Variants in FHOD1 observed in about 807,000 individuals in gnomAD.
The protein encoded by FHOD1 is formin homology 2 domain containing 1, also known as FH1/FH2 domain-containing protein 1.
In FHOD1, 89 loss-of-function variants were observed where a neutral mutation model predicts 111.6. The observed-to-expected ratio is 0.80, with a 90% CI of 0.67 to 0.95. FHOD1 has a LOEUF of 0.95. Ranked by LOEUF, FHOD1 falls within the 40% of genes least tolerant of loss-of-function variation. The pLI, the probability that FHOD1 is intolerant of heterozygous loss-of-function variation, is 0.00. For missense variants in FHOD1, 1,446 were observed against 1,554.2 expected, an observed-to-expected ratio of 0.93 and a Z score of 1.17; for synonymous variants, 618 against 639.0, an observed-to-expected ratio of 0.97 and a Z score of 0.50.
rs1482291858 is a variant in FHOD1, at chr16:67,237,544, C to T, written c.780G>A (p.Val260=). Reference sequence around the variant, plus strand: ...CGCCATTCTTCTCCTCCAGGATGGACACCAGATTGGCCCAGGGAGGAGCAC... The same window carrying T: ...CGCCATTCTTCTCCTCCAGGATGGATACCAGATTGGCCCAGGGAGGAGCAC... ...TTGAPPWANL[V]SILEEKNGAD... The change falls in exon 8 of 22, where the codon GTG becomes GTA. Residue 260 remains valine (V), a synonymous_variant. Transcript: ENST00000258201. The surrounding 1 kb of genome is among the most constrained non-coding windows in gnomAD (Gnocchi z 5.6). 6.2e-7 allele frequency: 1 copy of T among 1,614,038 alleles called. No homozygotes were observed. Among genetic ancestry groups the T allele is most frequent in the Non-Finnish European group, 8.5e-7 (1 of 1,180,032 alleles).
At position 67,237,126 on chromosome 16, in the gene FHOD1, G is replaced by A. The variant is rs937212645; in HGVS notation, c.994-12C>T. The stretch of plus-strand genomic sequence containing the variant: ...AATTTCAGGGCGTTCTAGCAGAGGC[G>A]GACCAGGATGTAAGAAAGTGGTTAA... On this transcript the variant is annotated splice_polypyrimidine_tract_variant and intron_variant, in intron 9 of 21. Coordinates refer to ENST00000258201, the MANE Select transcript of FHOD1 (RefSeq NM_013241.3). The surrounding 1 kb of genome is among the most constrained non-coding windows in gnomAD (Gnocchi z 5.6). The A allele has an allele frequency of 1.2e-6, 2 of 1,605,790 alleles. No individual in the cohort carries two copies. Among genetic ancestry groups the A allele is most frequent in the Non-Finnish European group, 1.7e-6 (2 of 1,175,506 alleles).
At position 67,232,060 on chromosome 16, in the gene FHOD1, A is replaced by T; in HGVS notation, c.2181T>A (p.Ala727=). Residue 727 remains alanine, a synonymous_variant, in exon 14 of 22, where the codon GCT becomes GCA. Coordinates refer to ENST00000258201, the MANE Select transcript of FHOD1 (RefSeq NM_013241.3). ...TCACCTCAATGCCATCCTTGCTGAC[A>T]GCAAACTCATCAAAGTTGAGCAGAG... The part of the protein sequence containing the change: ...KAALLNFDEF[A]VSKDGIEKLL... 6.2e-7 allele frequency: 1 copy of T among 1,614,256 alleles called. No individual in the cohort carries two copies. Among genetic ancestry groups the T allele is most frequent in the Non-Finnish European group, 8.5e-7 (1 of 1,180,048 alleles).
chr16:67,241,213 A>G (rs2034659022), intron 1 of FHOD1, among the ~76,000 whole-genome samples: 1 of 141,300 alleles, frequency 7.1e-6, no homozygotes, highest in South Asian at 2.2e-4. Context: ...TGCCCTCCCC[A>G]GGGTGCCTTG....
At position 67,239,345 on chromosome 16, in the gene FHOD1, G is replaced by A. The variant is rs200636299; in HGVS notation, c.308+3C>T. 1.1e-3 allele frequency: 1,852 copies of A among 1,612,886 alleles called. 1 individual carries two copies. Among genetic ancestry groups the A allele is most frequent in the Non-Finnish European group, 1.4e-3 (1,648 of 1,178,870 alleles). The stretch of plus-strand genomic sequence containing the variant: ...TTGCCTCCCTGGCCCCATCAGTTCT[G>A]ACCTGATCTCTTCATAGAAGCCCTC... On this transcript the variant is annotated splice_donor_region_variant and intron_variant, in intron 2 of 21. Transcript: ENST00000258201.
chr16:67,234,531 C>T (rs1449717732), intron 11 of FHOD1, 59 bp from the exon 12 acceptor site: 2 of 1,431,088 alleles, frequency 1.4e-6, no homozygotes, highest in Admixed American at 2.0e-5. Flanking sequence ...GGTGTACATG[C>T]CTTGCTGAGC....
At position 67,231,517 on chromosome 16, in the gene FHOD1, C is replaced by T. The variant is rs2034270414; in HGVS notation, c.2418G>A (p.Val806=). 1 of 1,614,188 alleles carries T rather than the reference C, an allele frequency of 6.2e-7. No individual in the cohort carries two copies. The highest frequency in any genetic ancestry group is 8.5e-7 in the Non-Finnish European group (1 of 1,180,040). The change falls in exon 16 of 22, where the codon GTG becomes GTA. Residue 806 remains valine, a synonymous_variant. Transcript: ENST00000258201. This position sits in a 1 kb window ranked among gnomAD's most constrained non-coding sequence, Gnocchi z 4.3. The stretch of plus-strand genomic sequence containing the variant: ...CATTCTGTACCAGCTGTTCCATACC[C>T]ACTTTCAGGTCAAACAGTGGCTCAG... ...EIAEPLFDLK[V]GMEQLVQNAT...
chr16:67,233,590 G>T (rs987264137), intron 13 of FHOD1, 67 bp downstream of exon 13: 26 of 1,506,276 alleles, frequency 1.7e-5, no homozygotes, highest in Non-Finnish European at 2.1e-5. Flanking sequence ...GCTCCAACAG[G>T]TCAGATCCTT....
intron 1 of FHOD1, among the ~76,000 whole-genome samples, chr16:67,242,333 C>A (rs1307864606): frequency 6.6e-6 from 1 of 152,172 alleles, no homozygotes; most frequent in African/African-American, 2.4e-5. Flanking sequence ...GGCCCCATTT[C>A]TGGGGAGGAG....
At position 67,237,221 on chromosome 16, in the gene FHOD1, G is replaced by A; in HGVS notation, c.993+18C>T. ...TTCCCTCTTTCCAATCCGCCTCAGA[G>A]CGTAAGGCCCGGCCCACCTCGTAGA... On this transcript the variant is annotated intron_variant, in intron 9 of 21. Transcript: ENST00000258201. The surrounding 1 kb of genome is among the most constrained non-coding windows in gnomAD (Gnocchi z 5.6). 2 of 1,611,210 alleles carry A rather than the reference G, an allele frequency of 1.2e-6. No homozygotes were observed. Among genetic ancestry groups the A allele is most frequent in the Non-Finnish European group, 1.7e-6 (2 of 1,178,094 alleles).
At chr16:67,234,635 G>T in intron 11 of FHOD1, 163 bp from the exon 12 acceptor site, 1 of 598,970 alleles carries the variant, frequency 1.7e-6, no homozygotes, top group Non-Finnish European at 3.0e-6. Flanking sequence ...CCCAAGGCCA[G>T]CCCCTCTTCA....
intron 1 of FHOD1, 42 bp downstream of exon 1, chr16:67,247,168 C>G (rs545045426): frequency 6.7e-7 from 1 of 1,486,774 alleles, no homozygotes; most frequent in East Asian, 2.5e-5. Flanking sequence ...GGCGCCCACC[C>G]TGAACCCCCG....
rs748075433 is a variant in FHOD1, at chr16:67,234,418, C to T, written c.1374G>A (p.Leu458=). The T allele has an allele frequency of 5.2e-5, 83 of 1,609,106 alleles. No homozygotes were observed. Among genetic ancestry groups the T allele is most frequent in the Admixed American group, 8.4e-5 (5 of 59,784 alleles). The change falls in exon 12 of 22, where the codon CTG becomes CTA. Residue 458 remains leucine, a synonymous_variant. Coordinates refer to ENST00000258201, the MANE Select transcript of FHOD1 (RefSeq NM_013241.3). ...CAAGTGTCTCTGCCCGGCCCTGGGC[C>T]AGCGCAACCTGCTTCTCTGTTTCTG... ...AAAETEKQVA[L]AQGRAETLAG... is the part of the protein sequence containing the mutation.
At position 67,234,416 on chromosome 16, in the gene FHOD1, G is replaced by A. The variant is rs748259381; in HGVS notation, c.1376C>T (p.Ala459Val). 1.9e-6 allele frequency: 3 copies of A among 1,609,234 alleles called. No individual in the cohort carries two copies. In the Admixed American group the frequency reaches 5.0e-5, roughly 27 times the overall value. Residue 459 changes from alanine to valine, a missense_variant, in exon 12 of 22, where the codon GCC becomes GTC. Ala to Val is a moderately conservative substitution (Grantham distance 64). Transcript: ENST00000258201. ...GGCAAGTGTCTCTGCCCGGCCCTGGGCCAGCGCAACCTGCTTCTCTGTTTC... is the reference window on the plus strand; with the variant it reads ...GGCAAGTGTCTCTGCCCGGCCCTGGACCAGCGCAACCTGCTTCTCTGTTTC... ...AAETEKQVAL[A>V]QGRAETLAGA... is the part of the protein sequence containing the mutation.
chr16:67,230,569 C>T, intron 18 of FHOD1, 32 bp downstream of exon 18: 1 of 1,613,336 alleles, frequency 6.2e-7, no homozygotes, highest in Non-Finnish European at 8.5e-7. Context: ...AGGGTGGTGG[C>T]CGTCCTGCCT....
chr16:67,238,325 G>A lies in FHOD1; in HGVS notation c.442-18C>T. 1 of 1,614,068 alleles carries A rather than the reference G, an allele frequency of 6.2e-7. No homozygotes were observed. Among genetic ancestry groups the A allele is most frequent in the Non-Finnish European group, 8.5e-7 (1 of 1,179,946 alleles). On this transcript the variant is annotated intron_variant, in intron 4 of 21. Transcript: ENST00000258201. This position sits in a 1 kb window ranked among gnomAD's most constrained non-coding sequence, Gnocchi z 4.2. ...TTGTCCTCCTAGAGGCACCATGGGG[G>A]AGTTTAGGGAAGCTTGGGCTACACA...
Position 67,237,897 on chromosome 16 carries a change from C to T in FHOD1, c.643-129G>A. 4 of 1,294,500 alleles carry T rather than the reference C, an allele frequency of 3.1e-6. No homozygotes were observed. Among genetic ancestry groups the T allele is most frequent in the Admixed American group, 1.8e-5 (1 of 55,726 alleles). The allele number at this position is 1,294,500 out of a possible 1,614,324, so 80.2% of individuals were successfully genotyped here. A position where few individuals can be genotyped will look rare whatever the true frequency, so the allele number is the denominator to read the frequency against. ...TAGGCAGAATGACCCTGGCCCCAGG[C>T]CCAGGCACTGAAGTGCCTTATAGGC... On this transcript the variant is annotated intron_variant, in intron 6 of 21. Transcript: ENST00000258201. The surrounding 1 kb of genome is among the most constrained non-coding windows in gnomAD (Gnocchi z 5.6).
chr16:67,231,794 T>TC lies in FHOD1; in HGVS notation c.2227dup (p.Glu743GlyfsTer8). ...TTCCTCAATCTTCTGCCGCTCTTCC[T>TC]CCGTGGGCATCATGGTCAGTAGCTT... On this transcript the variant is annotated frameshift_variant, in exon 15 of 22. Coordinates refer to ENST00000258201, the MANE Select transcript of FHOD1 (RefSeq NM_013241.3). LOFTEE classifies it high-confidence loss of function. This position sits in a 1 kb window ranked among gnomAD's most constrained non-coding sequence, Gnocchi z 4.3. 6.2e-7 allele frequency: 1 copy of TC among 1,614,172 alleles called. No individual in the cohort carries two copies. Among genetic ancestry groups the TC allele is most frequent in the Non-Finnish European group, 8.5e-7 (1 of 1,180,016 alleles).
intron 13 of FHOD1, among the ~76,000 whole-genome samples, chr16:67,233,330 C>T (rs1414263021): frequency 6.6e-6 from 1 of 152,156 alleles, no homozygotes; most frequent in Admixed American, 6.5e-5. Flanking sequence ...AAATGATCCA[C>T]CTGCCTCGGC....
chr16:67,236,652 C>T lies in FHOD1; in HGVS notation c.1224G>A (p.Val408=), dbSNP rs1206777006. Residue 408 remains valine, a synonymous_variant, in exon 11 of 22, where the codon GTG becomes GTA. Coordinates refer to ENST00000258201, the MANE Select transcript of FHOD1 (RefSeq NM_013241.3). ...AAGCTTGGAGACCGGAGGGAGGGCC[C>T]ACAGGGCTGGAGGCGGGGCCTGTCA... is the stretch of plus-strand genomic sequence containing the variant. ...ALLTGPASSP[V]GPPSGLQASV... is the part of the protein sequence containing the mutation. 1 of 1,611,902 alleles carries T rather than the reference C, an allele frequency of 6.2e-7. No individual in the cohort carries two copies. Among genetic ancestry groups the T allele is most frequent in the Admixed American group, 1.7e-5 (1 of 59,704 alleles).
Sources: gnomAD v4.1 joint callset for allele counts (sites outside exome capture counted in the v4.1 genomes callset) on GRCh38, gnomAD v4.1.1 for gene constraint, Gnocchi (gnomAD v3.1) non-coding constraint, MANE v1.5 for transcripts, NCBI Gene and HGNC (gene_info 2026-07-23, HGNC 2026-07-21) for gene names.